IQSEC1: variants seen among roughly 807,000 people sequenced by gnomAD.
IQSEC1 encodes IQ motif and SEC7 domain-containing protein 1.
A neutral mutation model predicts 91.0 loss-of-function variants in IQSEC1; 31 were observed. The ratio of observed to expected loss-of-function variants is 0.34; its 90% CI spans 0.26 to 0.46. The LOEUF (loss-of-function observed/expected upper bound fraction) is 0.46, where lower values mean the gene tolerates loss of function less well. Ranked by LOEUF, IQSEC1 falls within the 20% of genes least tolerant of loss-of-function variation. The pLI is 1.00. For missense variants in IQSEC1, 1,388 were observed against 1,575.6 expected (o/e 0.88, Z 2.02); for synonymous variants, 699 against 662.6 (o/e 1.05, Z -0.84).
chr3:13,180,015 C>T (rs1693809766), intron 1 of IQSEC1, among the ~76,000 whole-genome samples: 1 of 152,200 alleles, frequency 6.6e-6, no homozygotes, highest in Non-Finnish European at 1.5e-5. Context: ...CCGTGGGCTC[C>T]TGTGAGGCCT....
In IQSEC1 at chr3:13,032,319, C is replaced by A. The variant is rs370466274; in HGVS notation, c.23+40673G>T. 1.7e-3 allele frequency among the ~76,000 whole-genome samples: 259 copies of A among 152,348 alleles called. 3 individuals carry two copies. The highest frequency in any genetic ancestry group is 8.1e-3 in the South Asian group (39 of 4,828). On this transcript the variant is annotated intron_variant, in intron 1 of 13. Transcript: ENST00000613206. ...GACCTCATGCGGTCCTCTATGGAGACACAACCCCTGATTCCTGAGCCTTTC... is the reference window on the plus strand; with the variant it reads ...GACCTCATGCGGTCCTCTATGGAGAAACAACCCCTGATTCCTGAGCCTTTC...
intron 2 of IQSEC1, among the ~76,000 whole-genome samples, chr3:13,098,528 A>G (rs1559254550): frequency 6.6e-6 from 1 of 152,136 alleles, no homozygotes; most frequent in Non-Finnish European, 1.5e-5. Flanking sequence ...GGTTTCCACT[A>G]AAATAGGAGG....
At chr3:12,932,279 C>T (rs1047387338) in intron 3 of IQSEC1, among the ~76,000 whole-genome samples, 2 of 152,316 alleles carry the variant, frequency 1.3e-5, no homozygotes, top group Non-Finnish European at 2.9e-5. Flanking sequence ...TGGTGTGGCT[C>T]TGCCTCCTGG....
At chr3:13,020,693 T>C (rs1703358590) in intron 1 of IQSEC1, among the ~76,000 whole-genome samples, 1 of 152,202 alleles carries the variant, frequency 6.6e-6, no homozygotes, top group Admixed American at 6.5e-5. Flanking sequence ...GATGAGGTCT[T>C]ACTGTGTTGC....
At chr3:13,268,812 G>A (rs899664076) in intron 1 of IQSEC1, among the ~76,000 whole-genome samples, 1 of 152,118 alleles carries the variant, frequency 6.6e-6, no homozygotes, top group Non-Finnish European at 1.5e-5. Context: ...TTTGGTAGGA[G>A]GGCTTCCAAA....
chr3:13,206,369 G>A (rs775699540), intron 1 of IQSEC1, among the ~76,000 whole-genome samples: 105 of 152,198 alleles, frequency 6.9e-4, no homozygotes, highest in Non-Finnish European at 1.3e-3. Flanking sequence ...TAATGGCTGG[G>A]AGACCCATGA....
chr3:12,902,670 C>CAAAAAAAAAAAAAAAAAAA lies in IQSEC1; in HGVS notation c.2805+84_2805+102dup. ...AAAAAAAAAACAACAAAAAAAAAAC[C>CAAAAAAAAAAAAAAAAAAA]AAAAAAAAAAAAAAAAAAAAAAAAC... On this transcript the variant is annotated intron_variant, in intron 13 of 13. Transcript: ENST00000613206. The CAAAAAAAAAAAAAAAAAAA allele has an allele frequency of 4.2e-5, 8 of 191,022 alleles. 1 individual carries two copies. The highest frequency in any genetic ancestry group is 1.0e-4 in the South Asian group (2 of 19,672). The allele number at this position is 191,022 out of a possible 1,614,324, so 11.8% of individuals were successfully genotyped here. A position where few individuals can be genotyped will look rare whatever the true frequency, so the allele number is the denominator to read the frequency against.
chr3:13,139,410 G>A (rs900607372), intron 2 of IQSEC1, among the ~76,000 whole-genome samples: 37 of 152,172 alleles, frequency 2.4e-4, no homozygotes, highest in African/African-American at 4.8e-5. Context: ...AGGAAGATCC[G>A]GCATGTTCCA....
intron 1 of IQSEC1, among the ~76,000 whole-genome samples, chr3:13,212,596 T>C (rs1299962835): frequency 6.6e-6 from 1 of 152,218 alleles, no homozygotes; most frequent in Non-Finnish European, 1.5e-5. Context: ...CCGGACTGTC[T>C]TCCAAAGCAG....
intron 1 of IQSEC1, among the ~76,000 whole-genome samples, chr3:13,035,976 G>A (rs1183795179): frequency 6.6e-6 from 1 of 152,206 alleles, no homozygotes; most frequent in African/African-American, 2.4e-5. Flanking sequence ...TCAGCTGTCA[G>A]CCAGTAGCAT....
chr3:13,106,694 C>T (rs956786980), intron 2 of IQSEC1, among the ~76,000 whole-genome samples: 1 of 152,238 alleles, frequency 6.6e-6, no homozygotes, highest in Non-Finnish European at 1.5e-5. Context: ...TGAATGGGCA[C>T]TGCCCTCCTC....
intron 1 of IQSEC1, among the ~76,000 whole-genome samples, chr3:13,009,583 G>A (rs879419359): frequency 6.6e-6 from 1 of 151,540 alleles, no homozygotes; most frequent in Non-Finnish European, 1.5e-5. Context: ...CCAGGCTCAG[G>A]ACCCTCATCC....
At chr3:12,925,241 G>A (rs1211123980) in intron 3 of IQSEC1, among the ~76,000 whole-genome samples, 2 of 152,230 alleles carry the variant, frequency 1.3e-5, no homozygotes, top group African/African-American at 4.8e-5. Context: ...GCACTTCTGA[G>A]CAGACTGGAA....
At chr3:13,007,760 G>C (rs1440901751) in intron 1 of IQSEC1, among the ~76,000 whole-genome samples, 1 of 152,192 alleles carries the variant, frequency 6.6e-6, no homozygotes, top group African/African-American at 2.4e-5. Context: ...TATCTCTGCG[G>C]TTTCTGTGCT....
At chr3:12,974,260 C>T (rs889006133) in intron 1 of IQSEC1, among the ~76,000 whole-genome samples, 1 of 152,216 alleles carries the variant, frequency 6.6e-6, no homozygotes, top group Admixed American at 6.5e-5. Flanking sequence ...GTCACCTCCT[C>T]CAAGAAGCCC....
Position 12,908,559 on chromosome 3 carries a change from G to T in IQSEC1, c.2579-34C>A. 1 of 1,611,988 alleles carries T rather than the reference G, an allele frequency of 6.2e-7. No individual in the cohort carries two copies. The highest frequency in any genetic ancestry group is 1.1e-5 in the South Asian group (1 of 90,992). ...GAGAGGGTGAGGGTCCTGGTGAGAGGAGCACAGCCTAGAGTGGGCAGGAGA... is the reference window on the plus strand; with the variant it reads ...GAGAGGGTGAGGGTCCTGGTGAGAGTAGCACAGCCTAGAGTGGGCAGGAGA... On this transcript the variant is annotated intron_variant, in intron 11 of 13. Transcript: ENST00000613206. This position sits in a 1 kb window ranked among gnomAD's most constrained non-coding sequence, Gnocchi z 4.9.
At chr3:13,175,927 A>G (rs1693719534) in intron 1 of IQSEC1, among the ~76,000 whole-genome samples, 1 of 152,200 alleles carries the variant, frequency 6.6e-6, no homozygotes. Context: ...TACCACCATC[A>G]CCTGGGTAAT....
intron 2 of IQSEC1, among the ~76,000 whole-genome samples, chr3:12,937,917 C>T (rs188088855): frequency 5.9e-5 from 9 of 152,268 alleles, no homozygotes; most frequent in Non-Finnish European, 7.4e-5. Flanking sequence ...CTACACAGCT[C>T]GTTCCTGTGA....
rs748621910 is a variant in IQSEC1, at chr3:12,940,860, C to T, written c.318+711G>A. The stretch of plus-strand genomic sequence containing the variant: ...GAGAGCTCTTGGCCTCCCCAGGGAC[C>T]GCTCAGGGCCTCGCTCTTTCCTCTG... On this transcript the variant is annotated intron_variant, in intron 2 of 13. Transcript: ENST00000613206. This position sits in a 1 kb window ranked among gnomAD's most constrained non-coding sequence, Gnocchi z 4.4. Among the ~76,000 whole-genome samples the T allele has an allele frequency of 4.6e-5, 7 of 152,202 alleles. No individual in the cohort carries two copies. The highest frequency in any genetic ancestry group is 2.1e-4 in the South Asian group (1 of 4,834).
Sources: allele counts gnomAD v4.1 joint callset (sites outside exome capture counted in the v4.1 genomes callset), GRCh38; gene constraint gnomAD v4.1.1; non-coding constraint Gnocchi (gnomAD v3.1); transcripts MANE v1.5; gene names NCBI Gene and HGNC (gene_info 2026-07-23, HGNC 2026-07-21).